The following TTC4 variants were observed in gnomAD, a reference collection of about 807,000 sequenced individuals.
TTC4 encodes hsp70/Hsp90 co-chaperone CNS1 homolog.
Under a neutral mutation model 51.9 loss-of-function variants are expected in TTC4, and 36 were observed. The observed-to-expected ratio is 0.69, with a 90% CI of 0.53 to 0.92. The LOEUF (loss-of-function observed/expected upper bound fraction) is 0.92, where lower values mean the gene tolerates loss of function less well. Among genes scored for constraint, TTC4 ranks in the 40% least tolerant of loss-of-function variants. The pLI is 0.00. For synonymous variants in TTC4, 144 were observed against 164.2 expected, an observed-to-expected ratio of 0.88 and a Z score of 0.94; for missense variants, 399 against 454.6, an observed-to-expected ratio of 0.88 and a Z score of 1.11.
At chr1:54,730,237 G>A (rs1292596676) in intron 6 of TTC4, among the ~76,000 whole-genome samples, 2 of 149,528 alleles carry the variant, frequency 1.3e-5, no homozygotes, top group African/African-American at 4.9e-5. Flanking sequence ...TTTCTTAATT[G>A]TAGAATATGA....
At chr1:54,719,943 G>T (rs1194958329) in intron 3 of TTC4, among the ~76,000 whole-genome samples, 1 of 149,952 alleles carries the variant, frequency 6.7e-6, no homozygotes, top group African/African-American at 2.5e-5. Context: ...CTCTGTTCAG[G>T]CTGGAGTGTA....
chr1:54,730,837 C>T lies in TTC4; in HGVS notation c.682-649C>T, dbSNP rs955911442. ...TTTCTGTCCTTTTGCACTTGCTGCT[C>T]GTTGGAGTGGAAGGCTCTTCCTCCC... On this transcript the variant is annotated intron_variant, in intron 6 of 9. Transcript: ENST00000371281. Among the ~76,000 whole-genome samples, 13 of 149,838 alleles carry T rather than the reference C, an allele frequency of 8.7e-5. No individual in the cohort carries two copies. The East Asian group carries it at 2.1e-3, about 25-fold the overall frequency.
chr1:54,740,553 T>A (rs1645999422), intron 9 of TTC4, among the ~76,000 whole-genome samples: 1 of 152,180 alleles, frequency 6.6e-6, no homozygotes. Flanking sequence ...GACCGATGCT[T>A]GGAGGAAACC....
chr1:54,738,334 G>A (rs1447854983), intron 9 of TTC4, among the ~76,000 whole-genome samples: 1 of 152,184 alleles, frequency 6.6e-6, no homozygotes, highest in African/African-American at 2.4e-5. Context: ...GGAATCATGG[G>A]AGCTACAAGA....
At chr1:54,718,659 T>C (rs1279751003) in intron 3 of TTC4, among the ~76,000 whole-genome samples, 1 of 152,196 alleles carries the variant, frequency 6.6e-6, no homozygotes, top group Non-Finnish European at 1.5e-5. Context: ...TTTCTCAAAT[T>C]TTGTAAGCCT....
At chr1:54,724,884 A>C (rs188926178) in intron 5 of TTC4, among the ~76,000 whole-genome samples, 79 of 152,342 alleles carry the variant, frequency 5.2e-4, no homozygotes, top group Non-Finnish European at 9.0e-4. Flanking sequence ...AGGACTCTGG[A>C]AATGAACCAG....
chr1:54,727,934 G>T (rs1645821088), intron 5 of TTC4, among the ~76,000 whole-genome samples: 1 of 152,050 alleles, frequency 6.6e-6, no homozygotes, highest in South Asian at 2.1e-4. Context: ...CAAAACCATA[G>T]TAAGATACCA....
chr1:54,738,901 G>A (rs1482167926), intron 9 of TTC4, among the ~76,000 whole-genome samples: 3 of 151,856 alleles, frequency 2.0e-5, no homozygotes, highest in Non-Finnish European at 4.4e-5. Flanking sequence ...GACCTCAGGT[G>A]ATCCACTCAC....
At chr1:54,734,882 A>G (rs886527658) in intron 8 of TTC4, among the ~76,000 whole-genome samples, 1 of 152,168 alleles carries the variant, frequency 6.6e-6, no homozygotes. Context: ...TATAATACCC[A>G]TATAGCTATC....
chr1:54,737,683 C>T lies in TTC4; in HGVS notation c.1061+19C>T, dbSNP rs1403134935. 1.2e-6 allele frequency: 2 copies of T among 1,610,352 alleles called. No homozygotes were observed. The highest frequency in any genetic ancestry group is 2.2e-5 in the East Asian group (1 of 44,848). ...ACCAGAGGTGAGTCATCTCATGGCG[C>T]TGAGTAGATTGGGGAAGATGCTCAG... is the stretch of plus-strand genomic sequence containing the variant. On this transcript the variant is annotated intron_variant, in intron 9 of 9. Transcript: ENST00000371281.
chr1:54,741,542 T>A lies in TTC4; in HGVS notation c.*29T>A, dbSNP rs747931957. The A allele has an allele frequency of 6.3e-7, 1 of 1,577,344 alleles. No individual in the cohort carries two copies. The highest frequency in any genetic ancestry group is 1.1e-5 in the South Asian group (1 of 90,354). On this transcript the variant is annotated 3_prime_UTR_variant, in exon 10 of 10. Transcript: ENST00000371281. ...AGCCAGGGCCCCTGGATCTCCTCCC[T>A]TACCCTCCTCTGCTGGGAACCTAGC... is the stretch of plus-strand genomic sequence containing the variant.
At chr1:54,717,764 A>G in intron 3 of TTC4, 111 bp downstream of exon 3, 2 of 1,034,800 alleles carry the variant, frequency 1.9e-6, no homozygotes, top group Non-Finnish European at 2.6e-6. Context: ...AGAAACCCAG[A>G]CTAAGGATAG....
intron 9 of TTC4, among the ~76,000 whole-genome samples, chr1:54,739,189 A>C (rs964491262): frequency 1.3e-5 from 2 of 151,920 alleles, no homozygotes; most frequent in Middle Eastern, 3.4e-3. Flanking sequence ...TTTTTTTTTA[A>C]ATTATTTTTA....
intron 5 of TTC4, among the ~76,000 whole-genome samples, chr1:54,726,725 T>A (rs1165606823): frequency 1.1e-4 from 16 of 152,352 alleles, no homozygotes; most frequent in Non-Finnish European, 2.1e-4. Context: ...ATAGATTAGA[T>A]CTTAATATTG....
Position 54,717,478 on chromosome 1 carries a change from C to T in TTC4, c.230-14C>T, listed in dbSNP as rs754773555. ...AAAGTAAGCAATAGTGATTATTTTT[C>T]CTCTTCTTTGCAGAACAGGCCAAGA... On this transcript the variant is annotated splice_polypyrimidine_tract_variant and intron_variant, in intron 2 of 9. Transcript: ENST00000371281. 1.5e-5 allele frequency: 22 copies of T among 1,499,150 alleles called. No homozygotes were observed. Among genetic ancestry groups the T allele is most frequent in the Admixed American group, 2.4e-5 (1 of 41,518 alleles). The allele number at this position is 1,499,150 out of a possible 1,614,324, so 92.9% of individuals were successfully genotyped here. A position where few individuals can be genotyped will look rare whatever the true frequency, so the allele number is the denominator to read the frequency against.
At chr1:54,722,976 A>T (rs1400847314) in intron 5 of TTC4, among the ~76,000 whole-genome samples, 177 bp downstream of exon 5, 1 of 152,242 alleles carries the variant, frequency 6.6e-6, no homozygotes, top group Non-Finnish European at 1.5e-5. Context: ...ATATAGAGGT[A>T]AGCAAGGATA....
chr1:54,732,134 C>A (rs974182262), intron 7 of TTC4, among the ~76,000 whole-genome samples: 19 of 151,864 alleles, frequency 1.3e-4, no homozygotes, highest in African/African-American at 4.6e-4. Context: ...GAGTTCGAGA[C>A]CAGCCTGGCC....
intron 5 of TTC4, among the ~76,000 whole-genome samples, chr1:54,723,115 T>A (rs962966196): frequency 1.3e-5 from 2 of 151,674 alleles, no homozygotes; most frequent in East Asian, 3.8e-4. Context: ...TTTTTCTGTG[T>A]TTAGATGTGT....
intron 5 of TTC4, among the ~76,000 whole-genome samples, chr1:54,723,247 G>A (rs1273702517): frequency 2.0e-5 from 3 of 152,286 alleles, no homozygotes; most frequent in Non-Finnish European, 2.9e-5. Context: ...GTATGTAGCA[G>A]GCTATACCAT....
Sources: allele counts gnomAD v4.1 joint callset (sites outside exome capture counted in the v4.1 genomes callset), GRCh38; gene constraint gnomAD v4.1.1; transcripts MANE v1.5; gene names NCBI Gene and HGNC (gene_info 2026-07-23, HGNC 2026-07-21).